Variants in DLGAP2 observed in about 807,000 individuals in gnomAD.
DLGAP2 encodes disks large-associated protein 2.
In DLGAP2, 26 loss-of-function variants were observed where a neutral mutation model predicts 100.3. The ratio of observed to expected loss-of-function variants is 0.26; its 90% CI spans 0.19 to 0.36. The LOEUF is 0.36. Ranked by LOEUF, DLGAP2 falls within the 10% of genes least tolerant of loss-of-function variation. The pLI is 1.00. For missense variants in DLGAP2, 1,858 were observed against 1,453.2 expected (o/e 1.28, Z -4.53); for synonymous variants, 886 against 630.1 (o/e 1.41, Z -6.08).
In DLGAP2 at chr8:1,669,028, G is replaced by A. The variant is rs111566617; in HGVS notation, c.2160+350G>A. Among the ~76,000 whole-genome samples, 609 of 152,266 alleles carry A rather than the reference G, an allele frequency of 4.0e-3. 6 individuals carry two copies. The highest frequency in any genetic ancestry group is 0.014 in the African/African-American group (577 of 41,510). The stretch of plus-strand genomic sequence containing the variant: ...GATAACACTGTTTTGATGCTTTAAA[G>A]GGGAGGGTTTCTGTTGAAGTCTGAT... On this transcript the variant is annotated intron_variant, in intron 9 of 14. Coordinates refer to ENST00000637795, the MANE Select transcript of DLGAP2 (RefSeq NM_001346810.2).
intron 1 of DLGAP2, among the ~76,000 whole-genome samples, chr8:778,135 C>T (rs1447576253): frequency 1.3e-5 from 2 of 152,268 alleles, no homozygotes; most frequent in African/African-American, 4.8e-5. Context: ...CAGTTGATCG[C>T]ATCGGCTCCT....
chr8:1,462,852 T>G (rs1227691131), intron 3 of DLGAP2, among the ~76,000 whole-genome samples: 1 of 152,260 alleles, frequency 6.6e-6, no homozygotes, highest in Non-Finnish European at 1.5e-5. Flanking sequence ...TAGGATCTAT[T>G]TTATCTGAAA....
At chr8:1,194,768 AACCCTC>A (rs930235648) in intron 2 of DLGAP2, among the ~76,000 whole-genome samples, 3 of 152,072 alleles carry the variant, frequency 2.0e-5, no homozygotes, top group African/African-American at 7.2e-5. Flanking sequence ...TGAAGTTTGG[AACCCTC>A]TGTTCCCTAC....
At position 737,822 on chromosome 8, in the gene DLGAP2, G is replaced by A. The variant is rs1820357594; in HGVS notation, c.15G>A (p.Arg5=). ...AGCGTCCGAGGATGTCCGCGCTGAG[G>A]AAGGTGCGAGCCGCCGGGGGCTGCC... MSAL[R]KVLPGILQKH... is the part of the protein sequence containing the mutation. The change falls in exon 1 of 15, where the codon AGG becomes AGA. Residue 5 remains arginine (R), a synonymous_variant. Coordinates refer to ENST00000637795, the MANE Select transcript of DLGAP2 (RefSeq NM_001346810.2). The A allele has an allele frequency of 2.6e-6, 1 of 379,402 alleles. No individual in the cohort carries two copies. The allele number at this position is 379,402 out of a possible 1,614,324, so 23.5% of individuals were successfully genotyped here. A position where few individuals can be genotyped will look rare whatever the true frequency, so the allele number is the denominator to read the frequency against.
chr8:1,256,229 C>CTTA (rs1799210763), intron 2 of DLGAP2, among the ~76,000 whole-genome samples: 2 of 124,224 alleles, frequency 1.6e-5, no homozygotes, highest in Non-Finnish European at 3.4e-5. Context: ...TGTGTGCCCT[C>CTTA]TCCTGCCCGG....
intron 4 of DLGAP2, among the ~76,000 whole-genome samples, chr8:1,505,372 T>G (rs1799870197): frequency 6.6e-6 from 1 of 152,224 alleles, no homozygotes; most frequent in Non-Finnish European, 1.5e-5. Context: ...TGGTCCTATT[T>G]CAAAGCATCA....
chr8:779,623 C>G (rs901189826), intron 1 of DLGAP2, among the ~76,000 whole-genome samples: 6 of 152,014 alleles, frequency 3.9e-5, no homozygotes, highest in Non-Finnish European at 7.3e-5. Context: ...GCCACCATGC[C>G]TAGCCTAATA....
intron 2 of DLGAP2, among the ~76,000 whole-genome samples, chr8:1,000,948 C>T (rs73673047): frequency 2.2e-3 from 328 of 152,254 alleles, no homozygotes; most frequent in African/African-American, 7.5e-3. Context: ...TGAAACTCCC[C>T]TCCAGGGATT....
intron 6 of DLGAP2, among the ~76,000 whole-genome samples, chr8:1,610,141 A>C (rs894076599): frequency 6.6e-6 from 1 of 152,000 alleles, no homozygotes; most frequent in Non-Finnish European, 1.5e-5. Flanking sequence ...GTTGGAAGTA[A>C]AGCTCTCCTC....
chr8:1,699,938 C>T (rs961527030), intron 14 of DLGAP2, among the ~76,000 whole-genome samples: 6 of 152,234 alleles, frequency 3.9e-5, no homozygotes, highest in African/African-American at 1.2e-4. Context: ...TTTCTCTTGG[C>T]ATCCCCTGAA....
At chr8:1,029,467 C>A (rs1307099592) in intron 2 of DLGAP2, among the ~76,000 whole-genome samples, 3 of 152,162 alleles carry the variant, frequency 2.0e-5, no homozygotes, top group African/African-American at 7.2e-5. Context: ...CAACGGCATC[C>A]AGCAGTGCTG....
At position 1,036,494 on chromosome 8, in the gene DLGAP2, G is replaced by A. The variant is rs1251095682; in HGVS notation, c.73+128528G>A. Among the ~76,000 whole-genome samples, 5 of 152,190 alleles carry A rather than the reference G, an allele frequency of 3.3e-5. No individual in the cohort carries two copies. The East Asian group carries it at 7.7e-4, about 23-fold the overall frequency. On this transcript the variant is annotated intron_variant, in intron 2 of 14. Coordinates refer to ENST00000637795, the MANE Select transcript of DLGAP2 (RefSeq NM_001346810.2). ...CAGTCTGGCGGCCGTGGGGACGGTC[G>A]GGGGAGGTTCTCTGCTTTGTGGATG...
At chr8:1,629,910 A>G (rs777671130) in intron 7 of DLGAP2, among the ~76,000 whole-genome samples, 12 of 152,304 alleles carry the variant, frequency 7.9e-5, no homozygotes, top group Admixed American at 3.9e-4. Context: ...TTCTCTCGTC[A>G]TCTTGCTTTT....
chr8:837,739 C>T (rs1469154344), intron 1 of DLGAP2, among the ~76,000 whole-genome samples: 4 of 149,218 alleles, frequency 2.7e-5, no homozygotes, highest in East Asian at 1.9e-4. Context: ...TTTTTTTAGA[C>T]GGAGTCTCAC....
At chr8:1,616,115 A>G (rs1334271343) in intron 6 of DLGAP2, among the ~76,000 whole-genome samples, 1 of 152,224 alleles carries the variant, frequency 6.6e-6, no homozygotes, top group Non-Finnish European at 1.5e-5. Flanking sequence ...CTGAAATGAA[A>G]AATTTATGGG....
intron 2 of DLGAP2, among the ~76,000 whole-genome samples, chr8:1,013,036 G>A (rs1240621482): frequency 6.6e-6 from 1 of 152,174 alleles, no homozygotes; most frequent in Non-Finnish European, 1.5e-5. Flanking sequence ...TCTTCCTGCA[G>A]CTCACAGATG....
intron 1 of DLGAP2, among the ~76,000 whole-genome samples, chr8:758,999 AACAGCCTTCCCATTATCAATACCCCTG>A (rs1820991910): frequency 6.2e-4 from 12 of 19,216 alleles, no homozygotes; most frequent in South Asian, 2.7e-3. Context: ...CAATACCCCC[AACAGCCTTCCCATTATCAATACCCCTG>A]ACAGCCTTCC....
At chr8:953,370 T>G (rs1799526426) in intron 2 of DLGAP2, among the ~76,000 whole-genome samples, 1 of 152,042 alleles carries the variant, frequency 6.6e-6, no homozygotes. Context: ...ATTTTTGTAT[T>G]TTTAGCAGAG....
intron 2 of DLGAP2, among the ~76,000 whole-genome samples, chr8:1,256,348 C>G (rs549116720): frequency 6.1e-5 from 8 of 130,588 alleles, no homozygotes; most frequent in Non-Finnish European, 9.2e-5. Context: ...TGTGTGTCCT[C>G]TCCTGCCCGG....
Sources: gnomAD v4.1 joint callset for allele counts (sites outside exome capture counted in the v4.1 genomes callset) on GRCh38, gnomAD v4.1.1 for gene constraint, MANE v1.5 for transcripts, NCBI Gene and HGNC (gene_info 2026-07-23, HGNC 2026-07-21) for gene names.